The following COL23A1 variants were observed in gnomAD, a reference collection of about 807,000 sequenced individuals.
The protein encoded by COL23A1 is collagen type XXIII alpha 1 chain.
COL23A1 carries 97 observed loss-of-function variants against 99.3 expected under a neutral mutation model. The observed-to-expected ratio is 0.98, with a 90% CI of 0.83 to 1.16. COL23A1 has a LOEUF of 1.16. COL23A1 is among the 50% of genes most tolerant of loss of function. The pLI, the probability that COL23A1 is intolerant of heterozygous loss-of-function variation, is 0.00. For missense variants in COL23A1, 762 were observed against 757.4 expected, an observed-to-expected ratio of 1.01 and a Z score of -0.07; for synonymous variants, 320 against 308.2, an observed-to-expected ratio of 1.04 and a Z score of -0.40.
chr5:178,262,195 C>G, intron 10 of COL23A1, 22 bp downstream of exon 10: 1 of 1,574,564 alleles, frequency 6.4e-7, no homozygotes, highest in African/African-American at 1.3e-5. Flanking sequence ...GCCCAGGCCT[C>G]TGGAATGCCC....
chr5:178,517,557 G>GTTTTTTTTTTTTTCTTT (rs35787274), intron 2 of COL23A1, among the ~76,000 whole-genome samples: 3 of 84,968 alleles, frequency 3.5e-5, no homozygotes, highest in Admixed American at 1.5e-4. Flanking sequence ...GGTGACAGCA[G>GTTTTTTTTTTTTTCTTT]TTTTTTTTTT....
chr5:178,268,482 A>G (rs888023889), intron 7 of COL23A1, among the ~76,000 whole-genome samples: 1 of 152,074 alleles, frequency 6.6e-6, no homozygotes, highest in East Asian at 1.9e-4. Flanking sequence ...CGGGCCTCCG[A>G]GTTTGGTTAT....
chr5:178,452,029 T>C (rs970895560), intron 2 of COL23A1, among the ~76,000 whole-genome samples: 2 of 152,026 alleles, frequency 1.3e-5, no homozygotes, highest in African/African-American at 4.8e-5. Flanking sequence ...TATGGAAAGC[T>C]AAAAATGCAA....
rs1265805069 is a variant in COL23A1, at chr5:178,366,476, C to A, written c.362-59557G>T. ...TTTGGGGCCATCATCTCTTGTGCAT[C>A]TTTGCTCACGGCGTCTTCTGCACCT... On this transcript the variant is annotated intron_variant, in intron 2 of 28. Transcript: ENST00000390654. This position sits in a 1 kb window ranked among gnomAD's most constrained non-coding sequence, Gnocchi z 4.4. Among the ~76,000 whole-genome samples the A allele has an allele frequency of 6.6e-6, 1 of 152,214 alleles. No individual in the cohort carries two copies. The highest frequency in any genetic ancestry group is 1.5e-5 in the Non-Finnish European group (1 of 68,042).
chr5:178,275,621 C>T (rs1756540511), intron 5 of COL23A1, among the ~76,000 whole-genome samples: 1 of 152,186 alleles, frequency 6.6e-6, no homozygotes, highest in South Asian at 2.1e-4. Context: ...TGTTTTCCTG[C>T]TGCCTCAGAA....
intron 2 of COL23A1, among the ~76,000 whole-genome samples, chr5:178,389,967 C>T (rs1398352820): frequency 4.6e-5 from 7 of 152,196 alleles, no homozygotes; most frequent in South Asian, 4.1e-4. Context: ...ACAGGAAAGA[C>T]GCTCGGCGGC....
intron 2 of COL23A1, among the ~76,000 whole-genome samples, chr5:178,350,424 G>A (rs927139741): frequency 8.5e-5 from 13 of 152,188 alleles, no homozygotes; most frequent in Non-Finnish European, 1.8e-4. Flanking sequence ...TGGCACTCCA[G>A]CACCCAGCAC....
chr5:178,363,716 C>A (rs555584336), intron 2 of COL23A1, among the ~76,000 whole-genome samples: 1 of 152,200 alleles, frequency 6.6e-6, no homozygotes, highest in African/African-American at 2.4e-5. Flanking sequence ...TGGGTGTCGG[C>A]TGCAGGTCTG....
intron 2 of COL23A1, among the ~76,000 whole-genome samples, chr5:178,322,954 C>T (rs1334185775): frequency 1.3e-5 from 2 of 152,202 alleles, no homozygotes; most frequent in African/African-American, 4.8e-5. Context: ...CAGGGGTGCT[C>T]ATGCCCTTGC....
chr5:178,447,604 C>T (rs1465467619), intron 2 of COL23A1, among the ~76,000 whole-genome samples: 1 of 152,200 alleles, frequency 6.6e-6, no homozygotes, highest in African/African-American at 2.4e-5. Flanking sequence ...ACCACACAGC[C>T]TAGGTGTGTA....
At chr5:178,510,978 G>A (rs1206295481) in intron 2 of COL23A1, among the ~76,000 whole-genome samples, 1 of 152,108 alleles carries the variant, frequency 6.6e-6, no homozygotes, top group Non-Finnish European at 1.5e-5. Context: ...CCCTAGGTAA[G>A]AAAATCAGGC....
At chr5:178,500,251 T>C (rs1758448085) in intron 2 of COL23A1, among the ~76,000 whole-genome samples, 2 of 152,090 alleles carry the variant, frequency 1.3e-5, no homozygotes, top group African/African-American at 4.8e-5. Context: ...CTGTACACTT[T>C]AAATGTTAAT....
chr5:178,285,884 C>T (rs1381062943), intron 5 of COL23A1, among the ~76,000 whole-genome samples: 1 of 152,248 alleles, frequency 6.6e-6, no homozygotes, highest in African/African-American at 2.4e-5. Flanking sequence ...CAGGACTGGG[C>T]CCCAGGAGCC....
chr5:178,524,007 G>A (rs923826031), intron 2 of COL23A1, among the ~76,000 whole-genome samples: 9 of 152,216 alleles, frequency 5.9e-5, no homozygotes, highest in African/African-American at 1.9e-4. Context: ...CCACAGGAAT[G>A]AGCGTCTGCG....
At chr5:178,450,804 T>G (rs1042319253) in intron 2 of COL23A1, among the ~76,000 whole-genome samples, 1 of 152,186 alleles carries the variant, frequency 6.6e-6, no homozygotes, top group African/African-American at 2.4e-5. Context: ...ATTTGTCCTG[T>G]TTTACAGATG....
intron 2 of COL23A1, among the ~76,000 whole-genome samples, chr5:178,345,919 A>C (rs1173502421): frequency 6.6e-6 from 1 of 152,166 alleles, no homozygotes; most frequent in African/African-American, 2.4e-5. Context: ...AGACAGGAGG[A>C]CACTGCAAGT....
intron 2 of COL23A1, among the ~76,000 whole-genome samples, chr5:178,459,263 T>G (rs1165239559): frequency 1.3e-5 from 2 of 152,236 alleles, no homozygotes; most frequent in Admixed American, 1.3e-4. Context: ...TGCCTTTGAC[T>G]TTTAAATATT....
intron 2 of COL23A1, among the ~76,000 whole-genome samples, chr5:178,343,632 A>C (rs1760791831): frequency 6.6e-6 from 1 of 150,588 alleles, no homozygotes; most frequent in Non-Finnish European, 1.5e-5. Flanking sequence ...CTGCTTGTGC[A>C]AACATCTGAA....
intron 2 of COL23A1, among the ~76,000 whole-genome samples, chr5:178,316,842 C>T (rs1222452662): frequency 7.0e-6 from 1 of 143,348 alleles, no homozygotes; most frequent in Non-Finnish European, 1.5e-5. Flanking sequence ...AGTCTGTGGA[C>T]TTCTTTGCAA....
Sources: gnomAD v4.1 joint callset for allele counts (sites outside exome capture counted in the v4.1 genomes callset) on GRCh38, gnomAD v4.1.1 for gene constraint, Gnocchi (gnomAD v3.1) non-coding constraint, MANE v1.5 for transcripts, NCBI Gene and HGNC (gene_info 2026-07-23, HGNC 2026-07-21) for gene names.